The following KCNQ3 variants were observed in gnomAD, a reference collection of about 807,000 sequenced individuals.
KCNQ3 encodes the protein potassium voltage-gated channel subfamily KQT member 3.
KCNQ3 carries 30 observed loss-of-function variants against 92.5 expected under a neutral mutation model. The observed-to-expected ratio is 0.32, with a 90% CI of 0.24 to 0.44. The LOEUF is 0.44. Ranked by LOEUF, KCNQ3 falls within the 20% of genes least tolerant of loss-of-function variation. KCNQ3 has a pLI of 1.00. For missense variants in KCNQ3, 913 were observed against 1,140.3 expected (o/e 0.80, Z 2.87); for synonymous variants, 450 against 468.8 (o/e 0.96, Z 0.52).
chr8:132,134,633 T>TATAACCTC (rs1825015708), intron 12 of KCNQ3, among the ~76,000 whole-genome samples: 1 of 151,794 alleles, frequency 6.6e-6, no homozygotes, highest in African/African-American at 2.4e-5. Context: ...AGAGAGAACC[T>TATAACCTC]ATAACCTCGG....
intron 1 of KCNQ3, among the ~76,000 whole-genome samples, chr8:132,341,036 T>C (rs1226617662): frequency 2.6e-5 from 4 of 152,210 alleles, no homozygotes; most frequent in Admixed American, 2.0e-4. Context: ...AAGTGCTCAA[T>C]AGTCACATGT....
chr8:132,443,021 C>T (rs1048032928), intron 1 of KCNQ3, among the ~76,000 whole-genome samples: 1 of 152,282 alleles, frequency 6.6e-6, no homozygotes, highest in African/African-American at 2.4e-5. Context: ...TCCTCATCTG[C>T]GGCCGGTAAT....
intron 1 of KCNQ3, among the ~76,000 whole-genome samples, chr8:132,449,220 T>C (rs1821765093): frequency 1.3e-5 from 2 of 152,168 alleles, no homozygotes; most frequent in African/African-American, 4.8e-5. Context: ...CATCTTGAAA[T>C]GTGTCTTGTA....
intron 1 of KCNQ3, among the ~76,000 whole-genome samples, chr8:132,348,387 T>C (rs1818759159): frequency 6.6e-6 from 1 of 152,104 alleles, no homozygotes; most frequent in Non-Finnish European, 1.5e-5. Flanking sequence ...ATAAATAGTA[T>C]TTACATTAGA....
Position 132,175,452 on chromosome 8 carries a change from C to A in KCNQ3, c.933+1G>T. The A allele has an allele frequency of 6.2e-7, 1 of 1,614,140 alleles. No homozygotes were observed. The highest frequency in any genetic ancestry group is 8.5e-7 in the Non-Finnish European group (1 of 1,179,974). ...AATTGGCCTCCAAGGTAGTGACTCA[C>A]CAGGCCCCACCACAGGGCATCTGCA... On this transcript the variant is annotated splice_donor_variant, in intron 5 of 14. Coordinates refer to ENST00000388996, the MANE Select transcript of KCNQ3 (RefSeq NM_004519.4). LOFTEE classifies it high-confidence loss of function.
intron 1 of KCNQ3, among the ~76,000 whole-genome samples, chr8:132,436,243 C>A (rs1397804609): frequency 4.6e-5 from 7 of 152,042 alleles, no homozygotes; most frequent in African/African-American, 1.7e-4. Context: ...GGAAATGAAC[C>A]TTAATTTTCA....
chr8:132,375,378 T>C (rs1439304357), intron 1 of KCNQ3, among the ~76,000 whole-genome samples: 2 of 152,196 alleles, frequency 1.3e-5, no homozygotes. Flanking sequence ...CTCGAGTGTC[T>C]GGTTTAATAG....
chr8:132,354,967 T>C (rs1818978429), intron 1 of KCNQ3, among the ~76,000 whole-genome samples: 1 of 152,184 alleles, frequency 6.6e-6, no homozygotes, highest in Non-Finnish European at 1.5e-5. Flanking sequence ...TGGCATTGTC[T>C]CTGCGACTGC....
intron 4 of KCNQ3, 28 bp from the exon 5 acceptor site, chr8:132,175,636 A>G (rs754357997): frequency 1.9e-5 from 31 of 1,611,388 alleles, no homozygotes; most frequent in African/African-American, 4.0e-5. Context: ...GGACATGAAA[A>G]GTGGTCACTG....
chr8:132,475,487 T>C (rs1434365416), intron 1 of KCNQ3, among the ~76,000 whole-genome samples: 2 of 152,104 alleles, frequency 1.3e-5, no homozygotes, highest in Admixed American at 6.5e-5. Context: ...GGAACTGGGG[T>C]AAAGGACACT....
intron 1 of KCNQ3, among the ~76,000 whole-genome samples, chr8:132,226,043 G>A (rs993352736): frequency 3.3e-5 from 5 of 152,208 alleles, no homozygotes; most frequent in South Asian, 2.1e-4. Flanking sequence ...AGGCCAAGGC[G>A]GGTGGATCAC....
chr8:132,219,616 C>T (rs1364767937), intron 1 of KCNQ3, among the ~76,000 whole-genome samples: 1 of 152,012 alleles, frequency 6.6e-6, no homozygotes, highest in African/African-American at 2.4e-5. Flanking sequence ...ACCTGCAATT[C>T]TGCCTCCTTG....
intron 1 of KCNQ3, among the ~76,000 whole-genome samples, chr8:132,463,882 G>T (rs139150280): frequency 6.6e-6 from 1 of 152,078 alleles, no homozygotes; most frequent in African/African-American, 2.4e-5. Context: ...GCACAGTCTC[G>T]GCTCACCGCA....
rs771524914 is a variant in KCNQ3, at chr8:132,122,443, G to C, written c.*6819C>G. The C allele has an allele frequency of 3.9e-5, 6 of 152,310 alleles. No homozygotes were observed. Among genetic ancestry groups the C allele is most frequent in the Non-Finnish European group, 8.8e-5 (6 of 68,034 alleles). The allele number at this position is 152,310 out of a possible 1,614,324, so 9.4% of individuals were successfully genotyped here. On this transcript the variant is annotated 3_prime_UTR_variant, in exon 15 of 15. Coordinates refer to ENST00000388996, the MANE Select transcript of KCNQ3 (RefSeq NM_004519.4). ...ATTGCAGTCCATTCGACAAGTCTAA[G>C]AGGAATTACAAATACATTCCTGAGC... is the stretch of plus-strand genomic sequence containing the variant.
At chr8:132,368,800 T>C (rs1264559863) in intron 1 of KCNQ3, among the ~76,000 whole-genome samples, 1 of 152,254 alleles carries the variant, frequency 6.6e-6, no homozygotes, top group Non-Finnish European at 1.5e-5. Context: ...GGAGCGCTCA[T>C]ATATCCACAA....
chr8:132,358,680 TCACGTGGAATTCAAATATGGGCAA>T (rs1384466707), intron 1 of KCNQ3, among the ~76,000 whole-genome samples: 1 of 152,178 alleles, frequency 6.6e-6, no homozygotes, highest in Non-Finnish European at 1.5e-5. Context: ...CCCCAGCACT[TCACGTGGAATTCAAATATGGGCAA>T]TATCAGGGGG....
At chr8:132,257,025 A>T (rs1491002892) in intron 1 of KCNQ3, among the ~76,000 whole-genome samples, 2 of 152,166 alleles carry the variant, frequency 1.3e-5, no homozygotes, top group African/African-American at 4.8e-5. Context: ...TTAAAAGACA[A>T]CCCATGAAGA....
intron 1 of KCNQ3, among the ~76,000 whole-genome samples, chr8:132,462,165 G>T (rs1248975846): frequency 6.9e-6 from 1 of 144,594 alleles, no homozygotes; most frequent in Non-Finnish European, 1.5e-5. Context: ...CCACTGAATT[G>T]TACATTTATT....
intron 1 of KCNQ3, among the ~76,000 whole-genome samples, chr8:132,473,265 G>T (rs970404431): frequency 5.5e-5 from 8 of 145,290 alleles, no homozygotes; most frequent in African/African-American, 2.0e-4. Context: ...AGGAGAATGA[G>T]CTAAATAGAG....
Sources: allele counts gnomAD v4.1 joint callset (sites outside exome capture counted in the v4.1 genomes callset), GRCh38; gene constraint gnomAD v4.1.1; transcripts MANE v1.5; gene names NCBI Gene and HGNC (gene_info 2026-07-23, HGNC 2026-07-21).